Variants in BRIP1 observed in about 807,000 individuals in gnomAD.
The protein encoded by BRIP1 is BRCA1 interacting DNA helicase 1, also known as Fanconi anemia group J protein.
Under a neutral mutation model 119.7 loss-of-function variants are expected in BRIP1, and 88 were observed. The ratio of observed to expected loss-of-function variants is 0.74; its 90% CI spans 0.62 to 0.88. The LOEUF (loss-of-function observed/expected upper bound fraction) is 0.88, where lower values mean the gene tolerates loss of function less well. BRIP1 is among the 40% of genes least tolerant of loss of function. BRIP1 has a pLI of 0.00. For synonymous variants in BRIP1, 443 were observed against 496.5 expected (o/e 0.89, Z 1.43); for missense variants, 1,259 against 1,455.4 (o/e 0.87, Z 2.20).
rs1335974772 is a variant in BRIP1, at chr17:61,681,564, A to G, written c.*1732T>C. ...ACCCTACTATCCCTATCTGTGGTTT[A>G]AGAATAATACCAGAGGAGATAAATT... On this transcript the variant is annotated 3_prime_UTR_variant, in exon 20 of 20. Coordinates refer to ENST00000259008, the MANE Select transcript of BRIP1 (RefSeq NM_032043.3). This position sits in a 1 kb window ranked among gnomAD's most constrained non-coding sequence, Gnocchi z 5.1. The G allele has an allele frequency of 4.9e-6, 1 of 204,340 alleles. No individual in the cohort carries two copies. The highest frequency in any genetic ancestry group is 1.0e-5 in the Non-Finnish European group (1 of 99,538). The allele number at this position is 204,340 out of a possible 1,614,324, so 12.7% of individuals were successfully genotyped here.
At chr17:61,821,601 T>C (rs2078326960) in intron 6 of BRIP1, among the ~76,000 whole-genome samples, 1 of 151,960 alleles carries the variant, frequency 6.6e-6, no homozygotes, top group Non-Finnish European at 1.5e-5. Context: ...ATAATCATAG[T>C]TCACTGCAAC....
At chr17:61,788,805 A>T (rs1280569431) in intron 10 of BRIP1, among the ~76,000 whole-genome samples, 1 of 152,118 alleles carries the variant, frequency 6.6e-6, no homozygotes, top group Non-Finnish European at 1.5e-5. Context: ...AACATAAAAA[A>T]AATTAAGCCA....
At chr17:61,801,726 G>GA (rs981207745) in intron 7 of BRIP1, among the ~76,000 whole-genome samples, 2 of 151,728 alleles carry the variant, frequency 1.3e-5, no homozygotes, top group Non-Finnish European at 2.9e-5. Context: ...AAATTAACTT[G>GA]AAAAAAATTT....
At chr17:61,712,309 G>T (rs2061789599) in intron 17 of BRIP1, among the ~76,000 whole-genome samples, 1 of 151,974 alleles carries the variant, frequency 6.6e-6, no homozygotes, top group South Asian at 2.1e-4. Context: ...CACCTACCAG[G>T]TTCAAGCAAT....
In BRIP1 at chr17:61,683,654, T is replaced by C. The variant is rs1567728145; in HGVS notation, c.3392A>G (p.Tyr1131Cys). ...AGGATCATAAAGTTCAGGTGTAAAATAGATAGATTCATCTTCTGCTTCTGT... is the reference window on the plus strand; with the variant it reads ...AGGATCATAAAGTTCAGGTGTAAAACAGATAGATTCATCTTCTGCTTCTGT... ...FETEAEDESI[Y>C]FTPELYDPED... The change falls in exon 20 of 20, where the codon TAT becomes TGT. Residue 1131 changes from tyrosine (Y) to cysteine (C), a missense_variant. Around this residue, in one of 3 missense-constraint regions of BRIP1, gnomAD observed 753 missense variants for 891.8 expected, o/e 0.84. Transcript: ENST00000259008. This position sits in a 1 kb window ranked among gnomAD's most constrained non-coding sequence, Gnocchi z 4.7. 1 of 1,613,188 alleles carries C rather than the reference T, an allele frequency of 6.2e-7. No homozygotes were observed. The highest frequency in any genetic ancestry group is 2.2e-5 in the East Asian group (1 of 44,876).
intron 6 of BRIP1, among the ~76,000 whole-genome samples, chr17:61,829,608 A>G (rs1426694283): frequency 6.6e-6 from 1 of 152,212 alleles, no homozygotes; most frequent in Non-Finnish European, 1.5e-5. Context: ...AAACTCACAG[A>G]GCATTTGCCA....
chr17:61,853,762 C>G lies in BRIP1; in HGVS notation c.379+3296G>C, dbSNP rs1183576584. Among the ~76,000 whole-genome samples, 1 of 152,136 alleles carries G rather than the reference C, an allele frequency of 6.6e-6. No individual in the cohort carries two copies. The highest frequency in any genetic ancestry group is 1.5e-5 in the Non-Finnish European group (1 of 68,028). ...TATTAACTCAAAATGGATCTTAGAC[C>G]TAAATGTAAACCTAAAATTCTATCT... On this transcript the variant is annotated intron_variant, in intron 4 of 19. Coordinates refer to ENST00000259008, the MANE Select transcript of BRIP1 (RefSeq NM_032043.3). This position sits in a 1 kb window ranked among gnomAD's most constrained non-coding sequence, Gnocchi z 4.3.
intron 6 of BRIP1, among the ~76,000 whole-genome samples, chr17:61,812,339 A>G (rs1370701104): frequency 6.6e-6 from 1 of 152,142 alleles, no homozygotes; most frequent in Admixed American, 6.5e-5. Context: ...GTTTAAATTG[A>G]CAGAGATTTC....
In BRIP1 at chr17:61,687,617, ATT is replaced by A. The variant is rs751494019; in HGVS notation, c.2576-1454_2576-1453del. Among the ~76,000 whole-genome samples the A allele has an allele frequency of 6.7e-6, 1 of 149,728 alleles. No individual in the cohort carries two copies. Among genetic ancestry groups the A allele is most frequent in the Non-Finnish European group, 1.5e-5 (1 of 67,240 alleles). ...ACATCTCTTTATTATAATAAAATGT[ATT>A]TTTTTTTTAGCTAAAAGGTAATAAT... On this transcript the variant is annotated intron_variant, in intron 18 of 19. Transcript: ENST00000259008. The surrounding 1 kb of genome is among the most constrained non-coding windows in gnomAD (Gnocchi z 5.1).
Position 61,798,459 on chromosome 17 carries a change from C to T in BRIP1, c.1340+641G>A, listed in dbSNP as rs2077935463. Among the ~76,000 whole-genome samples, 1 of 151,884 alleles carries T rather than the reference C, an allele frequency of 6.6e-6. No homozygotes were observed. The highest frequency in any genetic ancestry group is 1.5e-5 in the Non-Finnish European group (1 of 67,870). On this transcript the variant is annotated intron_variant, in intron 9 of 19. Transcript: ENST00000259008. The surrounding 1 kb of genome is among the most constrained non-coding windows in gnomAD (Gnocchi z 5.5). The stretch of plus-strand genomic sequence containing the variant: ...GAACTGGAAGGAGGTTTTTACTATA[C>T]AAATTTGTATACATTTTGTCTTCAA...
In BRIP1 at chr17:61,682,038, C is replaced by A; in HGVS notation, c.*1258G>T. 4.9e-6 allele frequency: 1 copy of A among 203,424 alleles called. No individual in the cohort carries two copies. Among genetic ancestry groups the A allele is most frequent in the Non-Finnish European group, 1.0e-5 (1 of 99,344 alleles). 12.6% of individuals were successfully genotyped at this position (203,424 alleles called of 1,614,324 possible). ...TTTTGGAATGATGTCAGAGATGAGC[C>A]TCTTTTATAATCATTTTTGATTAGA... On this transcript the variant is annotated 3_prime_UTR_variant, in exon 20 of 20. Transcript: ENST00000259008. The surrounding 1 kb of genome is among the most constrained non-coding windows in gnomAD (Gnocchi z 4.9).
intron 13 of BRIP1, among the ~76,000 whole-genome samples, chr17:61,779,853 G>A (rs891583156): frequency 2.0e-5 from 3 of 151,546 alleles, no homozygotes; most frequent in Non-Finnish European, 4.4e-5. Flanking sequence ...CAACTTGAGA[G>A]GCTGAAGCAG....
chr17:61,719,588 G>A (rs968029020), intron 16 of BRIP1, among the ~76,000 whole-genome samples: 2 of 151,888 alleles, frequency 1.3e-5, no homozygotes, highest in African/African-American at 4.8e-5. Flanking sequence ...AGCCAGGTGT[G>A]GTGGCAGGCG....
Position 61,691,595 on chromosome 17 carries a change from A to G in BRIP1, c.2575+1835T>C, listed in dbSNP as rs532642509. On this transcript the variant is annotated intron_variant, in intron 18 of 19. Transcript: ENST00000259008. The surrounding 1 kb of genome is among the most constrained non-coding windows in gnomAD (Gnocchi z 5.0). ...CTCAGCCTCCAGAATAGTTGAGATTACAGGCACCCGCCACCGCACCCGGCT... is the reference window on the plus strand; with the variant it reads ...CTCAGCCTCCAGAATAGTTGAGATTGCAGGCACCCGCCACCGCACCCGGCT... 6.6e-6 allele frequency among the ~76,000 whole-genome samples: 1 copy of G among 152,256 alleles called. No individual in the cohort carries two copies. Among genetic ancestry groups the G allele is most frequent in the South Asian group, 2.1e-4 (1 of 4,814 alleles).
rs1163073449 is a variant in BRIP1 at position 61,834,834 on chromosome 17, C to G, written c.627+12267G>C. ...GCAGGGCTGCCTTGCTGACTTACAG[C>G]TGACCTGCAGTTGACCACAGACACA... On this transcript the variant is annotated intron_variant, in intron 6 of 19. Coordinates refer to ENST00000259008, the MANE Select transcript of BRIP1 (RefSeq NM_032043.3). The surrounding 1 kb of genome is among the most constrained non-coding windows in gnomAD (Gnocchi z 4.4). 1.3e-5 allele frequency among the ~76,000 whole-genome samples: 2 copies of G among 152,202 alleles called. No individual in the cohort carries two copies. The highest frequency in any genetic ancestry group is 2.9e-5 in the Non-Finnish European group (2 of 68,042).
chr17:61,733,910 C>T (rs1392618905), intron 16 of BRIP1, among the ~76,000 whole-genome samples: 2 of 152,000 alleles, frequency 1.3e-5, no homozygotes, highest in African/African-American at 4.8e-5. Flanking sequence ...TTTTATTAAA[C>T]CAATTATAAA....
chr17:61,769,575 A>G lies in BRIP1; in HGVS notation c.2097+6826T>C, dbSNP rs540662575. ...GACTAGATTCTGAAACTCAGTAGCAAATTTATTTTTGCCAATTTTATTGGA... is the reference window on the plus strand; with the variant it reads ...GACTAGATTCTGAAACTCAGTAGCAGATTTATTTTTGCCAATTTTATTGGA... On this transcript the variant is annotated intron_variant, in intron 14 of 19. Coordinates refer to ENST00000259008, the MANE Select transcript of BRIP1 (RefSeq NM_032043.3). The surrounding 1 kb of genome is among the most constrained non-coding windows in gnomAD (Gnocchi z 4.9). Among the ~76,000 whole-genome samples, 11 of 152,338 alleles carry G rather than the reference A, an allele frequency of 7.2e-5. No individual in the cohort carries two copies. The highest frequency in any genetic ancestry group is 2.6e-4 in the African/African-American group (11 of 41,586).
chr17:61,791,004 G>A (rs1285265859), intron 10 of BRIP1, among the ~76,000 whole-genome samples: 4 of 152,046 alleles, frequency 2.6e-5, no homozygotes, highest in African/African-American at 7.2e-5. Context: ...TCACAATATG[G>A]AAAAATTCTT....
chr17:61,785,708 A>T (rs1669322851), intron 10 of BRIP1, among the ~76,000 whole-genome samples: 1 of 152,188 alleles, frequency 6.6e-6, no homozygotes, highest in Non-Finnish European at 1.5e-5. Context: ...TTTTTGAAAA[A>T]TGAAGTCCCC....
Sources: allele counts gnomAD v4.1 joint callset (sites outside exome capture counted in the v4.1 genomes callset), GRCh38; gene constraint gnomAD v4.1.1; regional missense constraint gnomAD v4.1.1; non-coding constraint Gnocchi (gnomAD v3.1); transcripts MANE v1.5; gene names NCBI Gene and HGNC (gene_info 2026-07-23, HGNC 2026-07-21).